GPC5: variants seen among roughly 807,000 people sequenced by gnomAD.
GPC5 encodes glypican-5.
Under a neutral mutation model 53.9 loss-of-function variants are expected in GPC5, and 47 were observed. That is an observed-to-expected ratio of 0.87 (90% CI 0.69 to 1.11). The LOEUF (loss-of-function observed/expected upper bound fraction) is 1.11, where lower values mean the gene tolerates loss of function less well. Ranked by LOEUF, GPC5 falls within the 50% of genes most tolerant of loss-of-function variation. The pLI is 0.00. For missense variants in GPC5, 748 were observed against 713.1 expected (o/e 1.05, Z -0.56); for synonymous variants, 286 against 263.3 (o/e 1.09, Z -0.84).
chr13:91,591,251 T>C (rs1181313714), intron 2 of GPC5, among the ~76,000 whole-genome samples: 4 of 152,222 alleles, frequency 2.6e-5, no homozygotes, highest in African/African-American at 9.6e-5. Flanking sequence ...ACTCACCTCC[T>C]CAGGGACCTT....
At chr13:92,287,603 T>C (rs2042965238) in intron 7 of GPC5, among the ~76,000 whole-genome samples, 1 of 152,168 alleles carries the variant, frequency 6.6e-6, no homozygotes. Context: ...CATCTCAGGG[T>C]CCTACAGCTT....
chr13:91,518,634 G>A (rs1382046506), intron 2 of GPC5, among the ~76,000 whole-genome samples: 4 of 152,034 alleles, frequency 2.6e-5, no homozygotes, highest in Admixed American at 6.6e-5. Context: ...CTCACTGCAA[G>A]CTCCGCCTCC....
intron 2 of GPC5, among the ~76,000 whole-genome samples, chr13:91,642,621 A>G (rs989073112): frequency 2.0e-5 from 3 of 152,154 alleles, no homozygotes; most frequent in African/African-American, 7.2e-5. Flanking sequence ...GATACCAGAA[A>G]GAAGAATAAT....
intron 7 of GPC5, chr13:92,509,948 T>G (rs1227783824): frequency 6.6e-6 from 1 of 152,198 alleles, no homozygotes; most frequent in Non-Finnish European, 1.5e-5. Context: ...TACTATTATA[T>G]GCTATACACA....
chr13:92,040,395 G>A (rs968871556), intron 6 of GPC5, among the ~76,000 whole-genome samples: 5 of 152,188 alleles, frequency 3.3e-5, no homozygotes, highest in African/African-American at 9.7e-5. Flanking sequence ...TTCCCACCTT[G>A]CACCCTGAGC....
intron 6 of GPC5, among the ~76,000 whole-genome samples, chr13:92,022,650 G>A (rs1199562075): frequency 2.0e-5 from 3 of 151,878 alleles, no homozygotes; most frequent in Non-Finnish European, 4.4e-5. Context: ...AGGTAAAAGA[G>A]TGCTTAGGTT....
chr13:92,120,531 G>A (rs1358811098), intron 6 of GPC5, among the ~76,000 whole-genome samples: 1 of 152,114 alleles, frequency 6.6e-6, no homozygotes, highest in African/African-American at 2.4e-5. Context: ...GATTACAGGT[G>A]CGAGCCACCA....
intron 7 of GPC5, among the ~76,000 whole-genome samples, chr13:92,631,504 G>T (rs1369459798): frequency 2.0e-5 from 3 of 151,992 alleles, no homozygotes; most frequent in Non-Finnish European, 2.9e-5. Context: ...TAAATATTTT[G>T]GCCATATGGA....
chr13:92,046,262 A>G (rs573523547), intron 6 of GPC5, among the ~76,000 whole-genome samples: 2 of 152,266 alleles, frequency 1.3e-5, no homozygotes, highest in South Asian at 2.1e-4. Flanking sequence ...TCTTTATACC[A>G]TTGTGTTCTT....
intron 7 of GPC5, among the ~76,000 whole-genome samples, chr13:92,379,443 A>T (rs1197687381): frequency 6.6e-6 from 1 of 152,188 alleles, no homozygotes; most frequent in Non-Finnish European, 1.5e-5. Flanking sequence ...GGCAAAAGCC[A>T]TTTGCACGAT....
At chr13:91,471,997 A>G (rs1882661636) in intron 2 of GPC5, among the ~76,000 whole-genome samples, 1 of 152,140 alleles carries the variant, frequency 6.6e-6, no homozygotes, top group Admixed American at 6.6e-5. Flanking sequence ...AATGCTATCT[A>G]ATATTCATAG....
chr13:92,062,732 TA>T lies in GPC5; in HGVS notation c.1402-82096del, dbSNP rs1332426405. ...TATTAATGTTTTTATAATCAGGTAG[TA>T]AGTCTCAAATGCTATAATGGTTTGT... On this transcript the variant is annotated intron_variant, in intron 6 of 7. Transcript: ENST00000377067. Among the ~76,000 whole-genome samples, 9 of 152,136 alleles carry T rather than the reference TA, an allele frequency of 5.9e-5. No individual in the cohort carries two copies. The East Asian group carries it at 1.7e-3, about 29-fold the overall frequency.
At position 92,125,924 on chromosome 13, in the gene GPC5, GTTTTTTTTTTTTTTTT is replaced by G. The variant is rs1190169532; in HGVS notation, c.1402-18872_1402-18857del. Among the ~76,000 whole-genome samples, 143 of 75,868 alleles carry G rather than the reference GTTTTTTTTTTTTTTTT, an allele frequency of 1.9e-3. 2 individuals are homozygous for G. Among genetic ancestry groups the G allele is most frequent in the African/African-American group, 7.2e-3 (137 of 18,992 alleles). The allele number at this position is 75,868 out of a possible 152,430, so 49.8% of individuals were successfully genotyped here. Reference sequence around the variant, plus strand: ...TTAGAAAGGAAACATTTGTTTTTTGGTTTTTTTTTTTTTTTTTTTTTTTTTTTTTTTTTTTTTTTTT... The same window carrying G: ...TTAGAAAGGAAACATTTGTTTTTTGGTTTTTTTTTTTTTTTTTTTTTTTTT... On this transcript the variant is annotated intron_variant, in intron 6 of 7. Coordinates refer to ENST00000377067, the MANE Select transcript of GPC5 (RefSeq NM_004466.6).
chr13:92,613,358 A>AATATATTTATATATAAATATATT (rs1566320154), intron 7 of GPC5, among the ~76,000 whole-genome samples: 1 of 90,744 alleles, frequency 1.1e-5, no homozygotes, highest in Non-Finnish European at 1.9e-5. Flanking sequence ...ATAAATATAT[A>AATATATTTATATATAAATATATT]ATATATTTAT....
chr13:91,975,226 T>C (rs1216837743), intron 6 of GPC5, among the ~76,000 whole-genome samples: 3 of 152,062 alleles, frequency 2.0e-5, no homozygotes. Flanking sequence ...ACTTCATGTC[T>C]AAAACACCAA....
intron 6 of GPC5, among the ~76,000 whole-genome samples, chr13:92,111,446 T>C (rs752988316): frequency 2.6e-5 from 4 of 152,176 alleles, no homozygotes; most frequent in Non-Finnish European, 5.9e-5. Context: ...GGCACATTGC[T>C]GCTGCAAATG....
chr13:92,697,455 T>C (rs925754364), intron 7 of GPC5, among the ~76,000 whole-genome samples: 13 of 152,160 alleles, frequency 8.5e-5, no homozygotes, highest in Non-Finnish European at 1.8e-4. Context: ...ATTCTCTTTT[T>C]AGCAATTGTT....
At chr13:92,095,878 G>A (rs1254982595) in intron 6 of GPC5, among the ~76,000 whole-genome samples, 1 of 152,112 alleles carries the variant, frequency 6.6e-6, no homozygotes, top group African/African-American at 2.4e-5. Flanking sequence ...GGTATTCACA[G>A]AACTCTCCCA....
intron 7 of GPC5, among the ~76,000 whole-genome samples, chr13:92,833,873 G>A (rs1002129318): frequency 1.3e-4 from 20 of 152,246 alleles, no homozygotes; most frequent in African/African-American, 4.8e-4. Flanking sequence ...AAGAGTTAAC[G>A]TTAGAGAGAG....
Sources: gnomAD v4.1 joint callset for allele counts (sites outside exome capture counted in the v4.1 genomes callset) on GRCh38, gnomAD v4.1.1 for gene constraint, MANE v1.5 for transcripts, NCBI Gene and HGNC (gene_info 2026-07-23, HGNC 2026-07-21) for gene names.